Variants in ASIC4 observed in about 807,000 individuals in gnomAD.
ASIC4 encodes the protein acid sensing ion channel subunit family member 4.
A neutral mutation model predicts 53.4 loss-of-function variants in ASIC4; 28 were observed. The ratio of observed to expected loss-of-function variants is 0.52; its 90% CI spans 0.39 to 0.72. The LOEUF is 0.72. Among genes scored for constraint, ASIC4 ranks in the 30% least tolerant of loss-of-function variants. The probability of loss-of-function intolerance (pLI) is 0.00; values close to 1 mark genes in which losing one functional copy is unlikely to be tolerated. For missense variants in ASIC4, 649 were observed against 729.7 expected (o/e 0.89, Z 1.27); for synonymous variants, 289 against 301.4 (o/e 0.96, Z 0.43).
chr2:219,519,879 C>T (rs1694858682), intron 1 of ASIC4, among the ~76,000 whole-genome samples: 1 of 152,034 alleles, frequency 6.6e-6, no homozygotes, highest in Admixed American at 6.6e-5. Flanking sequence ...GAGGATAGGG[C>T]CTGTGTCTGG....
chr2:219,514,964 C>T lies in ASIC4; in HGVS notation c.240C>T (p.Ala80=), dbSNP rs1389444634. 5 of 1,613,156 alleles carry T rather than the reference C, an allele frequency of 3.1e-6. No individual in the cohort carries two copies. Among genetic ancestry groups the T allele is most frequent in the African/African-American group, 2.7e-5 (2 of 74,928 alleles). The change falls in exon 1 of 10, where the codon GCC becomes GCT. Residue 80 remains alanine (A), a synonymous_variant. Transcript: ENST00000358078. The stretch of plus-strand genomic sequence containing the variant: ...TGGCCCTACTCACCTCGCTGGCTGC[C>T]TTCCTGTACCAGGCGGCTGGCCTGG... ...WALALLTSLA[A]FLYQAAGLAR...
Position 219,538,319 on chromosome 2 carries a change from G to T in ASIC4, c.*273G>T. On this transcript the variant is annotated 3_prime_UTR_variant, in exon 10 of 10. Coordinates refer to ENST00000358078, the MANE Select transcript of ASIC4 (RefSeq NM_018674.6). ...GAAGGGAAGGAAGGAGAGGGAGGGG[G>T]AGGATAGAGCCCATCCCAGCCGGGG... 2.3e-6 allele frequency: 1 copy of T among 429,606 alleles called. No individual in the cohort carries two copies. Among genetic ancestry groups the T allele is most frequent in the East Asian group, 5.0e-5 (1 of 20,184 alleles). 26.6% of individuals were successfully genotyped at this position (429,606 alleles called of 1,614,324 possible).
chr2:219,537,883 G>A lies in ASIC4; in HGVS notation c.1507-50G>A, dbSNP rs1275392830. On this transcript the variant is annotated intron_variant, in intron 9 of 9. Transcript: ENST00000358078. The surrounding 1 kb of genome is among the most constrained non-coding windows in gnomAD (Gnocchi z 4.9). ...AAGGCTGGCGGTGTGAGCCCTGGGGGCACCACTTGAGCTCTCCCGGTCCCA... is the reference window on the plus strand; with the variant it reads ...AAGGCTGGCGGTGTGAGCCCTGGGGACACCACTTGAGCTCTCCCGGTCCCA... The A allele has an allele frequency of 6.6e-7, 1 of 1,514,194 alleles. No individual in the cohort carries two copies. The highest frequency in any genetic ancestry group is 9.0e-7 in the Non-Finnish European group (1 of 1,109,616). The allele number at this position is 1,514,194 out of a possible 1,614,324, so 93.8% of individuals were successfully genotyped here. A position where few individuals can be genotyped will look rare whatever the true frequency, so the allele number is the denominator to read the frequency against.
chr2:219,537,680 C>T lies in ASIC4; in HGVS notation c.1450C>T (p.Leu484=). Residue 484 remains leucine, a synonymous_variant, in exon 9 of 10, where the codon CTG becomes TTG. Transcript: ENST00000358078. The surrounding 1 kb of genome is among the most constrained non-coding windows in gnomAD (Gnocchi z 4.9). The part of the protein sequence containing the change: ...KRVWRRPKTP[L]RTSTGGISTL... Reference sequence around the variant, plus strand: ...GGTATGGAGGCGTCCCAAGACCCCCCTGCGGACCTCCACTGGGGGCATCTC... The same window carrying T: ...GGTATGGAGGCGTCCCAAGACCCCCTTGCGGACCTCCACTGGGGGCATCTC... 1 of 1,614,132 alleles carries T rather than the reference C, an allele frequency of 6.2e-7. No individual in the cohort carries two copies. The highest frequency in any genetic ancestry group is 8.5e-7 in the Non-Finnish European group (1 of 1,180,000).
At chr2:219,514,412 G>A (rs369115588), upstream of ASIC4, 116 of 1,549,064 alleles carry the variant, frequency 7.5e-5, no homozygotes, top group African/African-American at 7.7e-4. Context: ...TCACTCGCTC[G>A]CTCGCAGGGA....
chr2:219,535,174 C>T lies in ASIC4; in HGVS notation c.1079C>T (p.Ser360Phe). ...YIECADHTLDSLGGGPEGPCF... is the reference protein window; with the variant it reads ...YIECADHTLDFLGGGPEGPCF... ...AGCTGCTACCTCTGTGTTGCAGACT[C>T]CCTGGGTGGGGGCCCTGAGGGCCCG... The change falls in exon 6 of 10, where the codon TCC (serine) becomes TTC (phenylalanine). Residue 360 changes from serine to phenylalanine, a missense_variant. Ser to Phe is a radical substitution (Grantham distance 155, BLOSUM62 -2). Coordinates refer to ENST00000358078, the MANE Select transcript of ASIC4 (RefSeq NM_018674.6). The T allele has an allele frequency of 6.2e-7, 1 of 1,612,658 alleles. No homozygotes were observed. The highest frequency in any genetic ancestry group is 1.1e-5 in the South Asian group (1 of 90,888).
At chr2:219,513,618 C>G (rs981519140), upstream of ASIC4, among the ~76,000 whole-genome samples, 2 of 152,226 alleles carry the variant, frequency 1.3e-5, no homozygotes, top group African/African-American at 2.4e-5. Flanking sequence ...CCCGGAAGCA[C>G]ACCTCCCCTT....
At chr2:219,513,270 C>T (rs974953571), upstream of ASIC4, among the ~76,000 whole-genome samples, 2 of 152,130 alleles carry the variant, frequency 1.3e-5, no homozygotes, top group Admixed American at 6.5e-5. Context: ...CTTCCTCCCC[C>T]GTGAGGGCAC....
intron 1 of ASIC4, among the ~76,000 whole-genome samples, chr2:219,519,071 A>AT (rs1179108869): frequency 7.2e-5 from 11 of 152,030 alleles, no homozygotes; most frequent in African/African-American, 2.4e-5. Flanking sequence ...CGCCCGGCTA[A>AT]TTTTTTGTAA....
At chr2:219,522,483 G>A (rs1694902727) in intron 1 of ASIC4, among the ~76,000 whole-genome samples, 1 of 152,064 alleles carries the variant, frequency 6.6e-6, no homozygotes, top group South Asian at 2.1e-4. Flanking sequence ...GGCTCACGGG[G>A]GAAGGAAACG....
intron 1 of ASIC4, among the ~76,000 whole-genome samples, chr2:219,526,336 T>C (rs928856082): frequency 1.3e-5 from 2 of 151,538 alleles, no homozygotes; most frequent in Admixed American, 1.3e-4. Flanking sequence ...TCCTGGCATG[T>C]TGGGTCAGGG....
At chr2:219,532,181 C>T (rs776385892) in intron 3 of ASIC4, 53 bp downstream of exon 3, 21 of 1,609,352 alleles carry the variant, frequency 1.3e-5, no homozygotes, top group Admixed American at 5.0e-5. Context: ...CCTTTGGGCT[C>T]AGAGGGGATG....
chr2:219,522,315 A>G (rs1694898142), intron 1 of ASIC4, among the ~76,000 whole-genome samples: 2 of 151,672 alleles, frequency 1.3e-5, no homozygotes, highest in Admixed American at 1.3e-4. Flanking sequence ...CGTGGACAGG[A>G]TAATAGCTTA....
intron 5 of ASIC4, 22 bp downstream of exon 5, chr2:219,532,961 C>T: frequency 1.2e-6 from 2 of 1,611,176 alleles, no homozygotes; most frequent in South Asian, 1.1e-5. Context: ...CTACCCTTTC[C>T]TACCTCTCCA....
In ASIC4 at chr2:219,532,779, A is replaced by G. The variant is rs185278362; in HGVS notation, c.1019-104A>G. On this transcript the variant is annotated intron_variant, in intron 4 of 9. Transcript: ENST00000358078. ...TGTGGTGTTCAAGCACATTTATGCA[A>G]ATGTGTGCATATGTGTGTGCATGCA... is the stretch of plus-strand genomic sequence containing the variant. The G allele has an allele frequency of 2.7e-6, 3 of 1,117,662 alleles. No homozygotes were observed. In the East Asian group the frequency reaches 7.1e-5, roughly 27 times the overall value. 69.2% of individuals were successfully genotyped at this position (1,117,662 alleles called of 1,614,324 possible). A position where few individuals can be genotyped will look rare whatever the true frequency, so the allele number is the denominator to read the frequency against.
chr2:219,514,778 C>CA lies in ASIC4; in HGVS notation c.56dup (p.Glu20GlyfsTer7). 6.2e-7 allele frequency: 1 copy of CA among 1,613,536 alleles called. No individual in the cohort carries two copies. Among genetic ancestry groups the CA allele is most frequent in the East Asian group, 2.2e-5 (1 of 44,848 alleles). On this transcript the variant is annotated frameshift_variant, in exon 1 of 10. Transcript: ENST00000358078. LOFTEE classifies it high-confidence loss of function. ...AATTTGCTGAGGAGGATGCGAAACC[C>CA]AAGGAGAAGGAGGCAGGGGATGAGC... is the stretch of plus-strand genomic sequence containing the variant.
At chr2:219,530,554 C>T (rs1695026480) in intron 1 of ASIC4, among the ~76,000 whole-genome samples, 1 of 152,276 alleles carries the variant, frequency 6.6e-6, no homozygotes, top group African/African-American at 2.4e-5. Context: ...ACAAGATCAT[C>T]TCAGGTCTTG....
intron 1 of ASIC4, among the ~76,000 whole-genome samples, chr2:219,529,288 T>A (rs1406877710): frequency 6.6e-6 from 1 of 152,150 alleles, no homozygotes; most frequent in Non-Finnish European, 1.5e-5. Flanking sequence ...CACAGATGGA[T>A]ACATAGCAGG....
At chr2:219,535,076 C>T (rs566888912) in intron 5 of ASIC4, 95 bp from the exon 6 acceptor site, 199 of 1,503,194 alleles carry the variant, frequency 1.3e-4, no homozygotes, top group Middle Eastern at 2.5e-4. Context: ...GGTGTGCCTG[C>T]CTCAGGACGG....
Sources: allele counts gnomAD v4.1 joint callset (sites outside exome capture counted in the v4.1 genomes callset), GRCh38; gene constraint gnomAD v4.1.1; non-coding constraint Gnocchi (gnomAD v3.1); transcripts MANE v1.5; gene names NCBI Gene and HGNC (gene_info 2026-07-23, HGNC 2026-07-21).